NCAPH2: variants seen among roughly 807,000 people sequenced by gnomAD.
The protein encoded by NCAPH2 is condensin-2 complex subunit H2.
NCAPH2 carries 56 observed loss-of-function variants against 88.6 expected under a neutral mutation model. The ratio of observed to expected loss-of-function variants is 0.63; its 90% confidence interval spans 0.51 to 0.79. The LOEUF is 0.79. Among genes scored for constraint, NCAPH2 ranks in the 30% least tolerant of loss-of-function variants. The pLI is 0.00. For missense variants in NCAPH2, 794 were observed against 792.0 expected (o/e 1.00, Z -0.03); for synonymous variants, 378 against 313.6 (o/e 1.21, Z -2.17).
At chr22:50,511,061 T>G (rs1603440322) in intron 1 of NCAPH2, among the ~76,000 whole-genome samples, 1 of 151,778 alleles carries the variant, frequency 6.6e-6, no homozygotes, top group East Asian at 2.0e-4. Context: ...TTAGCCAGGA[T>G]GGTCTCGATC....
intron 9 of NCAPH2, chr22:50,519,715 A>G (rs2069031647): frequency 2.8e-6 from 3 of 1,055,376 alleles, no homozygotes; most frequent in Admixed American, 5.1e-5. Flanking sequence ...GAGCCAAGAA[A>G]TCCTTCCTTT....
In NCAPH2 at chr22:50,524,122, G is replaced by A. The variant is rs748093648; in HGVS notation, c.*747G>A. On this transcript the variant is annotated 3_prime_UTR_variant, in exon 20 of 20. Transcript: ENST00000420993. ...GTGGAAGTCGCCCTGGCCCACAGCTGCCTGGCGCAGGGCTTCTGTTCGCTT... is the reference window on the plus strand; with the variant it reads ...GTGGAAGTCGCCCTGGCCCACAGCTACCTGGCGCAGGGCTTCTGTTCGCTT... 5.6e-6 allele frequency: 9 copies of A among 1,612,710 alleles called. No homozygotes were observed. In the East Asian group the frequency reaches 1.8e-4, roughly 32 times the overall value.
chr22:50,510,389 C>G (rs1012227160), intron 1 of NCAPH2, among the ~76,000 whole-genome samples: 1 of 152,152 alleles, frequency 6.6e-6, no homozygotes, highest in Non-Finnish European at 1.5e-5. Flanking sequence ...CTGTGCACCA[C>G]CACACCTGGC....
In NCAPH2 at chr22:50,523,467, A is replaced by T; in HGVS notation, c.*92A>T. 6.5e-7 allele frequency: 1 copy of T among 1,529,066 alleles called. No homozygotes were observed. Among genetic ancestry groups the T allele is most frequent in the Non-Finnish European group, 8.8e-7 (1 of 1,135,980 alleles). 94.7% of individuals were successfully genotyped at this position (1,529,066 alleles called of 1,614,324 possible). On this transcript the variant is annotated 3_prime_UTR_variant, in exon 20 of 20. Coordinates refer to ENST00000420993, the MANE Select transcript of NCAPH2 (RefSeq NM_152299.4). ...CCCGGCCTAATAAAGCAGTGTTGCC[A>T]TCTCATCTTCCCCCTAAAAACCCTT... is the stretch of plus-strand genomic sequence containing the variant.
intron 1 of NCAPH2, among the ~76,000 whole-genome samples, chr22:50,515,121 A>G (rs150184570): frequency 6.6e-6 from 1 of 152,218 alleles, no homozygotes; most frequent in Non-Finnish European, 1.5e-5. Context: ...TCACTAAGGG[A>G]CACGATCACA....
chr22:50,523,777 C>G lies in NCAPH2; in HGVS notation c.*402C>G, dbSNP rs1303341594. On this transcript the variant is annotated 3_prime_UTR_variant, in exon 20 of 20. Coordinates refer to ENST00000420993, the MANE Select transcript of NCAPH2 (RefSeq NM_152299.4). ...GTAGTCCTGGTCCTCATCCTTGGGG[C>G]CTGCATTGTAGTACACGCGGTAACT... 1 of 1,614,184 alleles carries G rather than the reference C, an allele frequency of 6.2e-7. No individual in the cohort carries two copies. The highest frequency in any genetic ancestry group is 2.2e-5 in the East Asian group (1 of 44,886).
rs768881672 is a variant in NCAPH2, at chr22:50,523,823, G to C, written c.*448G>C. The C allele has an allele frequency of 3.1e-6, 5 of 1,614,120 alleles. No individual in the cohort carries two copies. The East Asian group carries it at 8.9e-5, about 29-fold the overall frequency. Reference sequence around the variant, plus strand: ...TAACTGTGACTAGCCTGGGCAACCTGTTTGGTGGAGCCGGTCAGACCCAAC... The same window carrying C: ...TAACTGTGACTAGCCTGGGCAACCTCTTTGGTGGAGCCGGTCAGACCCAAC... On this transcript the variant is annotated 3_prime_UTR_variant, in exon 20 of 20. Coordinates refer to ENST00000420993, the MANE Select transcript of NCAPH2 (RefSeq NM_152299.4).
In NCAPH2 at chr22:50,522,372, G is replaced by A. The variant is rs1179366197; in HGVS notation, c.1263G>A (p.Glu421=). ...CTGAGCAGTGGCTGCGGCCTGCAGA[G>A]GAGGACCACCTGGAGGATTCCCTGG... ...EVAEQWLRPA[E]EDHLEDSLED... Residue 421 remains glutamate (E), a synonymous_variant, in exon 15 of 20, where the codon GAG becomes GAA. Coordinates refer to ENST00000420993, the MANE Select transcript of NCAPH2 (RefSeq NM_152299.4). 1 of 1,608,348 alleles carries A rather than the reference G, an allele frequency of 6.2e-7. No homozygotes were observed. Among genetic ancestry groups the A allele is most frequent in the Admixed American group, 1.7e-5 (1 of 59,790 alleles).
intron 2 of NCAPH2, among the ~76,000 whole-genome samples, 153 bp downstream of exon 2, chr22:50,516,701 A>G (rs1400872586): frequency 6.6e-6 from 1 of 152,152 alleles, no homozygotes; most frequent in Non-Finnish European, 1.5e-5. Flanking sequence ...TTCCAACACC[A>G]AGAACAATTT....
intron 1 of NCAPH2, among the ~76,000 whole-genome samples, chr22:50,513,748 CGA>C (rs2068847103): frequency 1.4e-4 from 22 of 152,082 alleles, no homozygotes; most frequent in African/African-American, 5.3e-4. Context: ...GACAACAGAG[CGA>C]GAGACTGTCT....
Position 50,522,419 on chromosome 22 carries a change from G to A in NCAPH2, c.1306+4G>A. The stretch of plus-strand genomic sequence containing the variant: ...CTGGAAGACCTGGGGGCAGCAGGTG[G>A]GTGCCTGCCAGGGGGTGGGGTGGGG... On this transcript the variant is annotated splice_donor_region_variant and intron_variant, in intron 15 of 19. Coordinates refer to ENST00000420993, the MANE Select transcript of NCAPH2 (RefSeq NM_152299.4). The A allele has an allele frequency of 6.2e-7, 1 of 1,611,668 alleles. No individual in the cohort carries two copies.
intron 1 of NCAPH2, 135 bp downstream of exon 1, chr22:50,508,580 C>A: frequency 1.8e-6 from 1 of 544,350 alleles, no homozygotes; most frequent in South Asian, 3.5e-5. Context: ...CGCAGGTCCT[C>A]GGGCTCCCTG....
intron 1 of NCAPH2, chr22:50,515,881 G>A (rs1039422706): frequency 2.0e-6 from 2 of 1,021,084 alleles, no homozygotes; most frequent in Non-Finnish European, 1.3e-6. Context: ...TTGGGTTTGG[G>A]GCTCATTGGC....
chr22:50,519,264 G>A lies in NCAPH2; in HGVS notation c.805G>A (p.Glu269Lys), dbSNP rs1409355079. ...TGCAGAGGAGGCAGTAGAGCTTCCT[G>A]AGGCCTCGGCCCCCAAGGCCGCTCT... ...EDAEEAVELP[E>K]ASAPKAALEP... Residue 269 changes from glutamate to lysine, a missense_variant, in exon 9 of 20, where the codon GAG becomes AAG. Glu to Lys is a moderately conservative substitution (Grantham distance 56). This residue lies in a region of NCAPH2 where 735 missense variants were observed against 696.3 expected (regional missense o/e 1.06). Coordinates refer to ENST00000420993, the MANE Select transcript of NCAPH2 (RefSeq NM_152299.4). The A allele has an allele frequency of 1.2e-6, 2 of 1,607,788 alleles. No individual in the cohort carries two copies. Among genetic ancestry groups the A allele is most frequent in the Non-Finnish European group, 1.7e-6 (2 of 1,177,878 alleles).
At position 50,523,094 on chromosome 22, in the gene NCAPH2, T is replaced by C. The variant is rs770029988; in HGVS notation, c.1605T>C (p.Cys535=). Residue 535 remains cysteine, a synonymous_variant, in exon 19 of 20, where the codon TGT becomes TGC. Transcript: ENST00000420993. The part of the protein sequence containing the change: ...VSRFPQLNEW[C]PFAELVAGQP... ...GGTTCCCCCAGCTCAATGAGTGGTG[T>C]CCCTTTGCGGAGCTGGTGGCTGGCC... The C allele has an allele frequency of 6.2e-7, 1 of 1,613,176 alleles. No homozygotes were observed. Among genetic ancestry groups the C allele is most frequent in the Non-Finnish European group, 8.5e-7 (1 of 1,179,530 alleles).
At chr22:50,512,543 G>GTTTTTTTTTTT (rs139798817) in intron 1 of NCAPH2, among the ~76,000 whole-genome samples, 2 of 132,964 alleles carry the variant, frequency 1.5e-5, no homozygotes, top group Non-Finnish European at 3.2e-5. Flanking sequence ...TTTGTCCTTT[G>GTTTTTTTTTTT]TTTTTTTTTT....
intron 1 of NCAPH2, among the ~76,000 whole-genome samples, chr22:50,514,626 C>T (rs1052876410): frequency 6.6e-6 from 1 of 152,162 alleles, no homozygotes; most frequent in African/African-American, 2.4e-5. Context: ...AGAGAAGGGC[C>T]ACTTCTGCAG....
chr22:50,519,369 C>G lies in NCAPH2; in HGVS notation c.861+49C>G. On this transcript the variant is annotated intron_variant, in intron 9 of 19. Coordinates refer to ENST00000420993, the MANE Select transcript of NCAPH2 (RefSeq NM_152299.4). Reference sequence around the variant, plus strand: ...AGAACCTGAGCTGTGAACTGGCAACCCTGGCTCTGGGGCCGAGTCACCTTG... The same window carrying G: ...AGAACCTGAGCTGTGAACTGGCAACGCTGGCTCTGGGGCCGAGTCACCTTG... 3.1e-6 allele frequency: 5 copies of G among 1,604,688 alleles called. No homozygotes were observed. The South Asian group carries it at 5.6e-5, about 18-fold the overall frequency.
At position 50,508,254 on chromosome 22, in the gene NCAPH2, C is replaced by A; in HGVS notation, c.-84C>A. ...TTCCTGGGCGGGAACAGCAAAATGG[C>A]GCCAGAACTAGTGGCGGGCTGAGGA... On this transcript the variant is annotated 5_prime_UTR_variant, in exon 1 of 20. Coordinates refer to ENST00000420993, the MANE Select transcript of NCAPH2 (RefSeq NM_152299.4). The A allele has an allele frequency of 9.6e-7, 1 of 1,037,938 alleles. No homozygotes were observed. Among genetic ancestry groups the A allele is most frequent in the Non-Finnish European group, 1.4e-6 (1 of 740,652 alleles). 64.3% of individuals were successfully genotyped at this position (1,037,938 alleles called of 1,614,324 possible).
Sources: allele counts gnomAD v4.1 joint callset (sites outside exome capture counted in the v4.1 genomes callset), GRCh38; gene constraint gnomAD v4.1.1; regional missense constraint gnomAD v4.1.1; transcripts MANE v1.5; gene names NCBI Gene and HGNC (gene_info 2026-07-23, HGNC 2026-07-21).